The following DLEC1 variants were observed in gnomAD, a reference collection of about 807,000 sequenced individuals.
DLEC1 encodes deleted in lung and esophageal cancer protein 1.
Under a neutral mutation model 198.1 loss-of-function variants are expected in DLEC1, and 146 were observed. The ratio of observed to expected loss-of-function variants is 0.74; its 90% confidence interval spans 0.64 to 0.85. The LOEUF (loss-of-function observed/expected upper bound fraction) is 0.85, where lower values mean the gene tolerates loss of function less well. Ranked by LOEUF, DLEC1 falls within the 40% of genes least tolerant of loss-of-function variation. The pLI is 0.00. For synonymous variants in DLEC1, 897 were observed against 866.8 expected, an observed-to-expected ratio of 1.03 and a Z score of -0.61; for missense variants, 2,233 against 2,220.0, an observed-to-expected ratio of 1.01 and a Z score of -0.12.
rs550624100 is a variant in DLEC1, at chr3:38,115,962, A to G, written c.3857-491A>G. Among the ~76,000 whole-genome samples the G allele has an allele frequency of 4.6e-5, 7 of 152,178 alleles. No individual in the cohort carries two copies. The South Asian group carries it at 6.2e-4, about 14-fold the overall frequency. Reference sequence around the variant, plus strand: ...AGGGACGGCACAGTTCAGTTCTTTCAGGGTTAGGTGTTGCCAGGTGGGTGC... The same window carrying G: ...AGGGACGGCACAGTTCAGTTCTTTCGGGGTTAGGTGTTGCCAGGTGGGTGC... On this transcript the variant is annotated intron_variant, in intron 27 of 36. Coordinates refer to ENST00000308059, the MANE Select transcript of DLEC1 (RefSeq NM_007335.4).
At chr3:38,109,690 A>T in intron 22 of DLEC1, 128 bp downstream of exon 22, 1 of 1,485,394 alleles carries the variant, frequency 6.7e-7, no homozygotes, top group Non-Finnish European at 9.1e-7. Flanking sequence ...AAAACGCCAC[A>T]GTGTTATTGC....
intron 6 of DLEC1, among the ~76,000 whole-genome samples, chr3:38,077,523 T>C (rs1697695492): frequency 6.6e-6 from 1 of 152,218 alleles, no homozygotes; most frequent in South Asian, 2.1e-4. Flanking sequence ...TGTTCTACTT[T>C]TCTTGAAGAC....
rs1699781238 is a variant in DLEC1 at position 38,110,084 on chromosome 3, G to A, written c.3261-15G>A. ...GTGTTACATAGTACCAATGGGCACAGGACAGTGTTTTCAGCACAGAGCAGT... is the reference window on the plus strand; with the variant it reads ...GTGTTACATAGTACCAATGGGCACAAGACAGTGTTTTCAGCACAGAGCAGT... On this transcript the variant is annotated splice_polypyrimidine_tract_variant and intron_variant, in intron 22 of 36. Transcript: ENST00000308059. 6.2e-7 allele frequency: 1 copy of A among 1,613,136 alleles called. No individual in the cohort carries two copies. Among genetic ancestry groups the A allele is most frequent in the East Asian group, 2.2e-5 (1 of 44,882 alleles).
chr3:38,094,985 G>A lies in DLEC1; in HGVS notation c.2026G>A (p.Glu676Lys), dbSNP rs34290809. ...CAGCATCAAGTGCTACCCCGACAAG[G>A]AGACTGCCTTCTCCATCATGCCCAG... ...MDSIKCYPDK[E>K]TAFSIMPRKG... The change falls in exon 13 of 37, where the codon GAG becomes AAG. Residue 676 changes from glutamate to lysine, a missense_variant. Coordinates refer to ENST00000308059, the MANE Select transcript of DLEC1 (RefSeq NM_007335.4). The A allele has an allele frequency of 2.6e-3, 4,205 of 1,614,206 alleles. 29 individuals are homozygous for A. The highest frequency in any genetic ancestry group is 2.6e-3 in the Non-Finnish European group (3,094 of 1,180,034).
rs746254816 is a variant in DLEC1, at chr3:38,097,880, C to T, written c.2702C>T (p.Ser901Phe). 6.2e-7 allele frequency: 1 copy of T among 1,614,220 alleles called. No individual in the cohort carries two copies. The highest frequency in any genetic ancestry group is 1.3e-5 in the African/African-American group (1 of 75,062). Residue 901 changes from serine to phenylalanine, a missense_variant, in exon 18 of 37, where the codon TCC becomes TTC. Coordinates refer to ENST00000308059, the MANE Select transcript of DLEC1 (RefSeq NM_007335.4). ...TGGCGCATGAAGGAGAGCCCAGTCTCCCTCCAGGAAAGGCCTGAGGATGTA... is the reference window on the plus strand; with the variant it reads ...TGGCGCATGAAGGAGAGCCCAGTCTTCCTCCAGGAAAGGCCTGAGGATGTA... ...ATWRMKESPV[S>F]LQERPEDVSP...
intron 2 of DLEC1, among the ~76,000 whole-genome samples, chr3:38,046,503 C>T (rs936199064): frequency 5.3e-5 from 8 of 152,188 alleles, no homozygotes; most frequent in Non-Finnish European, 2.9e-5. Context: ...TCCTCCTTCA[C>T]CTTCTACCAT....
chr3:38,053,735 C>T (rs1261575245), intron 2 of DLEC1, among the ~76,000 whole-genome samples: 9 of 152,096 alleles, frequency 5.9e-5, no homozygotes, highest in Non-Finnish European at 8.8e-5. Context: ...ATGACGATGG[C>T]GGTTTTGTTG....
Position 38,105,258 on chromosome 3 carries a change from G to A in DLEC1, c.2865-2326G>A, listed in dbSNP as rs76220896. On this transcript the variant is annotated intron_variant, in intron 19 of 36. Transcript: ENST00000308059. Reference sequence around the variant, plus strand: ...CTCGAGAAAAATAATGTATTCTGCTGTTATTGTGTAGAGTGTTGCCTGTTC... The same window carrying A: ...CTCGAGAAAAATAATGTATTCTGCTATTATTGTGTAGAGTGTTGCCTGTTC... 5.1e-3 allele frequency among the ~76,000 whole-genome samples: 729 copies of A among 143,176 alleles called. 6 individuals carry two copies. Among genetic ancestry groups the A allele is most frequent in the African/African-American group, 0.019 (707 of 37,516 alleles). 93.9% of individuals were successfully genotyped at this position (143,176 alleles called of 152,430 possible).
Position 38,086,349 on chromosome 3 carries a change from A to G in DLEC1, c.1544A>G (p.Lys515Arg). The change falls in exon 9 of 37, where the codon AAA becomes AGA. Residue 515 changes from lysine (K) to arginine (R), a missense_variant. Coordinates refer to ENST00000308059, the MANE Select transcript of DLEC1 (RefSeq NM_007335.4). ...FSVGRFCIMP[K>R]TSWPPLSFKA... ...GTTGGCAGGTTCTGCATTATGCCCA[A>G]AACAAGCTGGCCACCACTAAGTTTC... 6.8e-6 allele frequency: 11 copies of G among 1,611,234 alleles called. No homozygotes were observed. The highest frequency in any genetic ancestry group is 9.3e-6 in the Non-Finnish European group (11 of 1,178,656).
In DLEC1 at chr3:38,084,140, C is replaced by A; in HGVS notation, c.1174-18C>A. The A allele has an allele frequency of 1.2e-6, 2 of 1,610,742 alleles. No individual in the cohort carries two copies. ...ATAAGTGTTGCTGTCTAAAAGAGAT[C>A]ATCTTACCTTTCAACAGATGGTAAT... On this transcript the variant is annotated intron_variant, in intron 6 of 36. Coordinates refer to ENST00000308059, the MANE Select transcript of DLEC1 (RefSeq NM_007335.4).
intron 35 of DLEC1, 95 bp from the exon 36 acceptor site, chr3:38,121,976 A>G: frequency 1.3e-6 from 2 of 1,560,916 alleles, no homozygotes; most frequent in Non-Finnish European, 1.7e-6. Context: ...GTGCTGAGCA[A>G]GACCAGAGGT....
chr3:38,114,582 T>G, intron 26 of DLEC1, 122 bp downstream of exon 26: 1 of 960,590 alleles, frequency 1.0e-6, no homozygotes, highest in Non-Finnish European at 1.6e-6. Flanking sequence ...TGGTGCCACC[T>G]ACAAGAAGGT....
intron 27 of DLEC1, 66 bp downstream of exon 27, chr3:38,115,119 G>A (rs1700085586): frequency 1.3e-6 from 2 of 1,584,290 alleles, no homozygotes; most frequent in Admixed American, 1.7e-5. Context: ...AGCCAGGCTG[G>A]GAGGGAAGGT....
chr3:38,089,615 C>G (rs1035284999), intron 10 of DLEC1, among the ~76,000 whole-genome samples: 2 of 152,146 alleles, frequency 1.3e-5, no homozygotes, highest in Non-Finnish European at 2.9e-5. Context: ...TCTCTGTTCT[C>G]TTGGTGTAGT....
chr3:38,070,976 G>T (rs766934195), intron 6 of DLEC1, among the ~76,000 whole-genome samples: 2 of 152,130 alleles, frequency 1.3e-5, no homozygotes. Flanking sequence ...AAACAAAATA[G>T]TGTTGAAGTG....
At chr3:38,083,890 A>G (rs910641244) in intron 6 of DLEC1, among the ~76,000 whole-genome samples, 1 of 151,808 alleles carries the variant, frequency 6.6e-6, no homozygotes, top group Non-Finnish European at 1.5e-5. Context: ...CCAGCCTCCC[A>G]AAGTGCCGGG....
At chr3:38,053,608 C>T (rs1442224205) in intron 2 of DLEC1, among the ~76,000 whole-genome samples, 1 of 149,440 alleles carries the variant, frequency 6.7e-6, no homozygotes, top group Non-Finnish European at 1.5e-5. Context: ...GCCGCCCCAT[C>T]CGGGAGGTGG....
At chr3:38,063,547 A>G (rs1413846932) in intron 5 of DLEC1, among the ~76,000 whole-genome samples, 3 of 152,162 alleles carry the variant, frequency 2.0e-5, no homozygotes, top group Non-Finnish European at 4.4e-5. Context: ...TATTTGAGAT[A>G]CCTATATTAA....
intron 2 of DLEC1, among the ~76,000 whole-genome samples, chr3:38,057,559 A>G (rs1696439319): frequency 6.6e-6 from 1 of 152,274 alleles, no homozygotes; most frequent in African/African-American, 2.4e-5. Context: ...CCGCAAAGAA[A>G]GAAAATTCAG....
Sources: gnomAD v4.1 joint callset for allele counts (sites outside exome capture counted in the v4.1 genomes callset) on GRCh38, gnomAD v4.1.1 for gene constraint, MANE v1.5 for transcripts, NCBI Gene and HGNC (gene_info 2026-07-23, HGNC 2026-07-21) for gene names.